Variants in HSF2BP observed in about 807,000 individuals in gnomAD.
HSF2BP encodes heat shock transcription factor 2 binding protein.
A neutral mutation model predicts 35.0 loss-of-function variants in HSF2BP; 35 were observed. The observed-to-expected ratio is 1.00, with a 90% CI of 0.76 to 1.32. The LOEUF (loss-of-function observed/expected upper bound fraction) is 1.32, where lower values mean the gene tolerates loss of function less well. Among genes scored for constraint, HSF2BP ranks in the 40% most tolerant of loss-of-function variants. HSF2BP has a pLI of 0.00. For missense variants in HSF2BP, 326 were observed against 321.7 expected (o/e 1.01, Z -0.10); for synonymous variants, 114 against 117.4 (o/e 0.97, Z 0.18).
intron 4 of HSF2BP, among the ~76,000 whole-genome samples, chr21:43,636,838 G>A (rs1390761057): frequency 7.0e-6 from 1 of 143,596 alleles, no homozygotes; most frequent in African/African-American, 2.6e-5. Flanking sequence ...GCTGCAGTAA[G>A]CGGAGATCAC....
At chr21:43,578,380 C>T (rs574896499) in intron 8 of HSF2BP, among the ~76,000 whole-genome samples, 7 of 151,762 alleles carry the variant, frequency 4.6e-5, no homozygotes, top group African/African-American at 1.7e-4. Flanking sequence ...CTCTTTTTTT[C>T]TCTCTCTCTA....
intron 7 of HSF2BP, among the ~76,000 whole-genome samples, chr21:43,596,387 TAC>T (rs112009393): frequency 0.029 from 4,246 of 146,350 alleles, 64 homozygotes; most frequent in Middle Eastern, 0.071. Context: ...GCTAGTGAAA[TAC>T]ACACACACAC....
chr21:43,647,064 A>C (rs775974380), intron 3 of HSF2BP, among the ~76,000 whole-genome samples: 8 of 152,332 alleles, frequency 5.3e-5, no homozygotes, highest in East Asian at 3.9e-4. Flanking sequence ...TCCTTCTGCT[A>C]ATCTTTGAAC....
At chr21:43,623,179 C>T (rs2082350793) in intron 6 of HSF2BP, among the ~76,000 whole-genome samples, 1 of 151,988 alleles carries the variant, frequency 6.6e-6, no homozygotes, top group Admixed American at 6.6e-5. Flanking sequence ...TATATAAACA[C>T]ATGGAAATTA....
intron 1 of HSF2BP, 42 bp from the exon 2 acceptor site, chr21:43,658,362 A>G: frequency 1.9e-6 from 1 of 515,060 alleles, no homozygotes; most frequent in South Asian, 2.7e-5. Flanking sequence ...GTAAGTGTCA[A>G]GTAAAATAAA....
intron 8 of HSF2BP, among the ~76,000 whole-genome samples, chr21:43,589,916 C>G (rs2081905143): frequency 6.6e-6 from 1 of 152,138 alleles, no homozygotes; most frequent in Admixed American, 6.5e-5. Context: ...ACGTGAAATG[C>G]AAAACTATAA....
chr21:43,632,894 T>C (rs1018136919), intron 5 of HSF2BP, among the ~76,000 whole-genome samples: 16 of 150,902 alleles, frequency 1.1e-4, no homozygotes, highest in Non-Finnish European at 2.2e-4. Context: ...TGTGTGTGTA[T>C]GTATAAACAC....
In HSF2BP at chr21:43,656,618, C is replaced by A. The variant is rs766796555; in HGVS notation, c.156G>T (p.Glu52Asp). ...LPRILNGEVL[E>D]SFQKLKIVEK... ...CTACAATCTTTAATTTCTGGAAGCTCTCCAGCACCTCCCCATTTAGTATTC... is the reference window on the plus strand; with the variant it reads ...CTACAATCTTTAATTTCTGGAAGCTATCCAGCACCTCCCCATTTAGTATTC... Residue 52 changes from glutamate to aspartate, a missense_variant, in exon 3 of 9, where the codon GAG becomes GAT. By Grantham distance (45) the Glu-to-Asp change is conservative. Transcript: ENST00000291560. 1 of 1,612,788 alleles carries A rather than the reference C, an allele frequency of 6.2e-7. No individual in the cohort carries two copies. Among genetic ancestry groups the A allele is most frequent in the African/African-American group, 1.3e-5 (1 of 74,858 alleles).
the HSF2BP span, among the ~76,000 whole-genome samples, chr21:43,499,974 TCACA>T: frequency 1.2e-5 from 1 of 85,438 alleles, no homozygotes; most frequent in Non-Finnish European, 2.3e-5. Context: ...TGCACACACA[TCACA>T]CATATACCAC....
At chr21:43,653,375 A>AG (rs1364236004) in intron 3 of HSF2BP, among the ~76,000 whole-genome samples, 2 of 152,162 alleles carry the variant, frequency 1.3e-5, no homozygotes, top group African/African-American at 4.8e-5. Flanking sequence ...AGACAAAATC[A>AG]GGGGCCGAGA....
At chr21:43,579,093 T>G (rs1228532593) in intron 8 of HSF2BP, among the ~76,000 whole-genome samples, 1 of 152,256 alleles carries the variant, frequency 6.6e-6, no homozygotes, top group Non-Finnish European at 1.5e-5. Flanking sequence ...GGGTTTCTTT[T>G]GACATCTGAA....
chr21:43,647,575 T>C (rs2082725401), intron 3 of HSF2BP, among the ~76,000 whole-genome samples: 1 of 152,172 alleles, frequency 6.6e-6, no homozygotes, highest in South Asian at 2.1e-4. Flanking sequence ...AGAATGGCTG[T>C]GTCTCTTGAT....
chr21:43,605,265 C>T (rs182253518), intron 7 of HSF2BP, among the ~76,000 whole-genome samples: 38 of 150,332 alleles, frequency 2.5e-4, no homozygotes, highest in African/African-American at 8.6e-4. Context: ...CCACATCACA[C>T]ACCACAGATC....
intron 4 of HSF2BP, among the ~76,000 whole-genome samples, chr21:43,642,932 G>A (rs536461758): frequency 6.0e-5 from 9 of 150,898 alleles, no homozygotes; most frequent in African/African-American, 9.8e-5. Flanking sequence ...GGCTGGTCTC[G>A]AACTCCTGAC....
At chr21:43,616,946 A>C (rs542072481) in intron 6 of HSF2BP, among the ~76,000 whole-genome samples, 1 of 152,024 alleles carries the variant, frequency 6.6e-6, no homozygotes, top group Non-Finnish European at 1.5e-5. Context: ...AAAAAGAAAA[A>C]AGGAAAAAAA....
intron 6 of HSF2BP, among the ~76,000 whole-genome samples, chr21:43,628,213 T>C (rs1433272104): frequency 6.6e-6 from 1 of 152,228 alleles, no homozygotes; most frequent in Non-Finnish European, 1.5e-5. Context: ...AGTGAAGGCA[T>C]GGCCAAAGCT....
intron 1 of HSF2BP, 88 bp from the exon 2 acceptor site, chr21:43,658,408 A>C: frequency 2.5e-6 from 1 of 394,280 alleles, no homozygotes; most frequent in Non-Finnish European, 4.6e-6. Context: ...GAGGAATGCT[A>C]CACTAAGGGG....
chr21:43,626,170 C>T (rs1392828668), intron 6 of HSF2BP, among the ~76,000 whole-genome samples: 1 of 152,140 alleles, frequency 6.6e-6, no homozygotes, highest in Non-Finnish European at 1.5e-5. Flanking sequence ...TCTCAGCATC[C>T]ACCCCGCAAG....
chr21:43,604,421 ACACAC>A (rs1184167451), intron 7 of HSF2BP, among the ~76,000 whole-genome samples: 2 of 136,784 alleles, frequency 1.5e-5, no homozygotes, highest in Non-Finnish European at 3.1e-5. Context: ...TACACACCCC[ACACAC>A]CACACCACAC....
Sources: allele counts gnomAD v4.1 joint callset (sites outside exome capture counted in the v4.1 genomes callset), GRCh38; gene constraint gnomAD v4.1.1; transcripts MANE v1.5; gene names NCBI Gene and HGNC (gene_info 2026-07-23, HGNC 2026-07-21).